Variants in XXYLT1 observed in about 807,000 individuals in gnomAD.
XXYLT1 encodes the protein xyloside xylosyltransferase 1.
A neutral mutation model predicts 28.9 loss-of-function variants in XXYLT1; 20 were observed. The ratio of observed to expected loss-of-function variants is 0.69; its 90% CI spans 0.49 to 1.00. The LOEUF (loss-of-function observed/expected upper bound fraction) is 1.00, where lower values mean the gene tolerates loss of function less well. Among genes scored for constraint, XXYLT1 ranks in the 50% least tolerant of loss-of-function variants. The pLI is 0.00. For missense variants in XXYLT1, 542 were observed against 560.1 expected (o/e 0.97, Z 0.33); for synonymous variants, 257 against 253.8 (o/e 1.01, Z -0.12).
At position 195,110,611 on chromosome 3, in the gene XXYLT1, ATGTGTGTGGTG is replaced by A. The variant is rs1227521976; in HGVS notation, c.786-40511_786-40501del. Among the ~76,000 whole-genome samples the A allele has an allele frequency of 4.5e-5, 2 of 44,404 alleles. 1 individual carries two copies. The highest frequency in any genetic ancestry group is 8.9e-5 in the Non-Finnish European group (2 of 22,366). The allele number at this position is 44,404 out of a possible 152,430, so 29.1% of individuals were successfully genotyped here. On this transcript the variant is annotated intron_variant, in intron 3 of 3. Transcript: ENST00000310380. ...ATGTGTGTGTGTGCTGTATGTGTGCATGTGTGTGGTGTGTGTGTGGTGTGTGATGTATAAGT... is the reference window on the plus strand; with the variant it reads ...ATGTGTGTGTGTGCTGTATGTGTGCATGTGTGTGGTGTGTGATGTATAAGT...
chr3:195,144,593 G>A (rs1056406262), intron 3 of XXYLT1, among the ~76,000 whole-genome samples: 1 of 151,812 alleles, frequency 6.6e-6, no homozygotes, highest in African/African-American at 2.4e-5. Context: ...GGGCAGGCTG[G>A]TCTCGAACTC....
At chr3:195,108,777 G>A (rs757841350) in intron 3 of XXYLT1, among the ~76,000 whole-genome samples, 4 of 152,124 alleles carry the variant, frequency 2.6e-5, no homozygotes, top group South Asian at 2.1e-4. Context: ...TATTATAATC[G>A]GACGGGACCA....
chr3:195,270,585 G>A lies in XXYLT1; in HGVS notation c.474C>T (p.Leu158=), dbSNP rs1725989236. The A allele has an allele frequency of 7.2e-7, 1 of 1,385,588 alleles. No homozygotes were observed. The highest frequency in any genetic ancestry group is 9.3e-7 in the Non-Finnish European group (1 of 1,072,058). The allele number at this position is 1,385,588 out of a possible 1,614,324, so 85.8% of individuals were successfully genotyped here. ...ACTTGAAGCCAGCGGCGGGCGGCAGGAGCTCCCGCAGCAGGCCCTTGGCCA... is the reference window on the plus strand; with the variant it reads ...ACTTGAAGCCAGCGGCGGGCGGCAGAAGCTCCCGCAGCAGGCCCTTGGCCA... The part of the protein sequence containing the change: ...REVAKGLLRE[L]LPPAAGFKCK... Residue 158 remains leucine, a synonymous_variant, in exon 1 of 4, where the codon CTC becomes CTT. Coordinates refer to ENST00000310380, the MANE Select transcript of XXYLT1 (RefSeq NM_152531.5).
At chr3:195,138,935 G>A (rs1211631583) in intron 3 of XXYLT1, among the ~76,000 whole-genome samples, 2 of 151,722 alleles carry the variant, frequency 1.3e-5, no homozygotes. Context: ...CAGAGAGAGA[G>A]CATCCTAGAC....
chr3:195,122,689 A>G (rs1020470218), intron 3 of XXYLT1, among the ~76,000 whole-genome samples: 1 of 152,228 alleles, frequency 6.6e-6, no homozygotes, highest in African/African-American at 2.4e-5. Flanking sequence ...GAGAGAAAGA[A>G]GGAAGTTTCC....
At chr3:195,166,435 A>G (rs1721124458) in intron 2 of XXYLT1, among the ~76,000 whole-genome samples, 17 of 151,712 alleles carry the variant, frequency 1.1e-4, no homozygotes, top group Admixed American at 1.1e-3. Context: ...TGCACTTCCT[A>G]AGAAACAAGG....
intron 2 of XXYLT1, among the ~76,000 whole-genome samples, chr3:195,220,710 G>A (rs1369346442): frequency 1.3e-5 from 2 of 152,146 alleles, no homozygotes; most frequent in South Asian, 2.1e-4. Flanking sequence ...GGAGCCTATC[G>A]CATGAAATGC....
At chr3:195,117,663 C>A (rs1718120053) in intron 3 of XXYLT1, among the ~76,000 whole-genome samples, 1 of 152,286 alleles carries the variant, frequency 6.6e-6, no homozygotes, top group South Asian at 2.1e-4. Context: ...CTCACGCACA[C>A]ATGCATGCAC....
At chr3:195,208,472 G>A (rs371581632) in intron 2 of XXYLT1, among the ~76,000 whole-genome samples, 3 of 151,732 alleles carry the variant, frequency 2.0e-5, no homozygotes, top group African/African-American at 4.9e-5. Context: ...CTGGCTGACT[G>A]GACCAACCAC....
At chr3:195,264,226 G>T (rs1478398224) in intron 1 of XXYLT1, among the ~76,000 whole-genome samples, 1 of 152,234 alleles carries the variant, frequency 6.6e-6, no homozygotes, top group African/African-American at 2.4e-5. Context: ...GCATCTATGG[G>T]GTTCCCGTAA....
rs12497444 is a variant in XXYLT1, at chr3:195,210,479, C to G, written c.652+16230G>C. Reference sequence around the variant, plus strand: ...CGTCCTGGCAAGAAGTAATAAGAGCCAGCTGATGCCTTTGACCGATAGCCA... The same window carrying G: ...CGTCCTGGCAAGAAGTAATAAGAGCGAGCTGATGCCTTTGACCGATAGCCA... On this transcript the variant is annotated intron_variant, in intron 2 of 3. Transcript: ENST00000310380. The surrounding 1 kb of genome is among the most constrained non-coding windows in gnomAD (Gnocchi z 4.8). 0.091 allele frequency among the ~76,000 whole-genome samples: 13,924 copies of G among 152,208 alleles called. 1,092 individuals carry two copies. Among genetic ancestry groups the G allele is most frequent in the African/African-American group, 0.21 (8,679 of 41,488 alleles).
chr3:195,260,552 C>T (rs1725661721), intron 1 of XXYLT1, among the ~76,000 whole-genome samples: 1 of 152,252 alleles, frequency 6.6e-6, no homozygotes, highest in Non-Finnish European at 1.5e-5. Context: ...GGGCGAGGCA[C>T]ATCCAGGAGG....
chr3:195,117,136 C>CACACACACACACACACACACACAT (rs1385834823), intron 3 of XXYLT1, among the ~76,000 whole-genome samples: 4 of 144,768 alleles, frequency 2.8e-5, no homozygotes, highest in African/African-American at 7.7e-5. Flanking sequence ...CACACACACA[C>CACACACACACACACACACACACAT]ACACACATCC....
intron 3 of XXYLT1, among the ~76,000 whole-genome samples, chr3:195,072,872 T>A (rs1714901968): frequency 6.6e-6 from 1 of 152,204 alleles, no homozygotes; most frequent in African/African-American, 2.4e-5. Context: ...AGGAATCGCA[T>A]CAGCCTCGGG....
intron 3 of XXYLT1, among the ~76,000 whole-genome samples, chr3:195,085,608 C>A (rs1319661848): frequency 1.3e-5 from 2 of 152,216 alleles, no homozygotes; most frequent in African/African-American, 4.8e-5. Context: ...AGAGCCCAGT[C>A]ATCCTGCGGG....
At chr3:195,071,672 G>T (rs1346949560) in intron 3 of XXYLT1, among the ~76,000 whole-genome samples, 1 of 147,238 alleles carries the variant, frequency 6.8e-6, no homozygotes, top group African/African-American at 2.6e-5. Flanking sequence ...GCGGTGATAG[G>T]GTCACACAGG....
At chr3:195,228,964 C>A (rs1260750271) in intron 1 of XXYLT1, among the ~76,000 whole-genome samples, 1 of 151,976 alleles carries the variant, frequency 6.6e-6, no homozygotes, top group African/African-American at 2.4e-5. Flanking sequence ...AGGCGCCCAC[C>A]ACCATGCCTG....
rs1577216549 is a variant in XXYLT1, at chr3:195,271,136, G to A, written c.-78C>T. 7.9e-7 allele frequency: 1 copy of A among 1,260,526 alleles called. No individual in the cohort carries two copies. 78.1% of individuals were successfully genotyped at this position (1,260,526 alleles called of 1,614,324 possible). A position where few individuals can be genotyped will look rare whatever the true frequency, so the allele number is the denominator to read the frequency against. ...GTACCCGGACGCCGGCGGCCACTTA[G>A]CCCCGGCGCCAGGCGGCGGCCATGA... On this transcript the variant is annotated 5_prime_UTR_variant, in exon 1 of 4. Transcript: ENST00000310380.
chr3:195,103,387 A>AG (rs1716907757), intron 3 of XXYLT1, among the ~76,000 whole-genome samples: 1 of 150,914 alleles, frequency 6.6e-6, no homozygotes, highest in African/African-American at 2.5e-5. Flanking sequence ...CCATCACCCC[A>AG]CGCCAGCGGC....
Sources: allele counts gnomAD v4.1 joint callset (sites outside exome capture counted in the v4.1 genomes callset), GRCh38; gene constraint gnomAD v4.1.1; non-coding constraint Gnocchi (gnomAD v3.1); transcripts MANE v1.5; gene names NCBI Gene and HGNC (gene_info 2026-07-23, HGNC 2026-07-21).